SUGCT: variants seen among roughly 807,000 people sequenced by gnomAD.
The protein encoded by SUGCT is succinyl-CoA:glutarate-CoA transferase, also known as succinyl-CoA:glutarate CoA-transferase.
In SUGCT, 41 loss-of-function variants were observed where a neutral mutation model predicts 55.0. The observed-to-expected ratio is 0.74, with a 90% CI of 0.58 to 0.97. The LOEUF is 0.97. SUGCT is among the 50% of genes least tolerant of loss of function. SUGCT has a pLI of 0.00. For synonymous variants in SUGCT, 187 were observed against 200.4 expected, an observed-to-expected ratio of 0.93 and a Z score of 0.56; for missense variants, 568 against 547.8, an observed-to-expected ratio of 1.04 and a Z score of -0.37.
At chr7:40,662,609 G>T (rs1801388404) in intron 12 of SUGCT, among the ~76,000 whole-genome samples, 1 of 151,852 alleles carries the variant, frequency 6.6e-6, no homozygotes, top group Admixed American at 6.6e-5. Context: ...TTTTTGATTT[G>T]GAATGCTCTT....
intron 9 of SUGCT, among the ~76,000 whole-genome samples, chr7:40,410,750 G>A (rs1159975120): frequency 6.6e-6 from 1 of 152,128 alleles, no homozygotes; most frequent in Non-Finnish European, 1.5e-5. Context: ...GTTTACAAGT[G>A]AATGAAAATT....
chr7:40,562,817 G>T (rs1795916110), intron 12 of SUGCT, among the ~76,000 whole-genome samples: 1 of 152,158 alleles, frequency 6.6e-6, no homozygotes, highest in Non-Finnish European at 1.5e-5. Flanking sequence ...CAAACTGGGG[G>T]CACGGCCACA....
chr7:40,480,296 C>T (rs985942144), intron 11 of SUGCT, among the ~76,000 whole-genome samples: 12 of 152,008 alleles, frequency 7.9e-5, no homozygotes, highest in African/African-American at 1.7e-4. Flanking sequence ...ATTCTATGTT[C>T]GTGGCATCCC....
At chr7:40,300,389 G>T (rs1794460563) in intron 8 of SUGCT, among the ~76,000 whole-genome samples, 1 of 152,120 alleles carries the variant, frequency 6.6e-6, no homozygotes, top group African/African-American at 2.4e-5. Flanking sequence ...AAAAAATTCT[G>T]CCCTCTTCAG....
chr7:40,374,791 C>G (rs1784463923), intron 9 of SUGCT, among the ~76,000 whole-genome samples: 1 of 152,140 alleles, frequency 6.6e-6, no homozygotes, highest in South Asian at 2.1e-4. Context: ...CTGATTGAAT[C>G]ACACAAACAA....
At chr7:40,872,582 TG>T in the SUGCT span, among the ~76,000 whole-genome samples, 1 of 152,318 alleles carries the variant, frequency 6.6e-6, no homozygotes, top group African/African-American at 2.4e-5. Context: ...CAGTTTACTC[TG>T]ATGAGTCAGG....
Position 40,296,757 on chromosome 7 carries a change from CGTGTGTGTGTGAGTTT to C in SUGCT, c.721-19992_721-19977del, listed in dbSNP as rs1197162314. Among the ~76,000 whole-genome samples the C allele has an allele frequency of 6.4e-4, 97 of 150,916 alleles. 2 individuals carry two copies. In the South Asian group the frequency reaches 0.02, roughly 31 times the overall value. On this transcript the variant is annotated intron_variant, in intron 8 of 13. Coordinates refer to ENST00000335693, the MANE Select transcript of SUGCT (RefSeq NM_001193313.2). ...GTTAGGAAAACCTTAGTCTCTCTTTCGTGTGTGTGTGAGTTTGTGTGTGTGTAATTGATTTCGAGCT... is the reference window on the plus strand; with the variant it reads ...GTTAGGAAAACCTTAGTCTCTCTTTCGTGTGTGTGTAATTGATTTCGAGCT...
chr7:40,809,539 G>T (rs1244611858), intron 13 of SUGCT, among the ~76,000 whole-genome samples: 1 of 152,086 alleles, frequency 6.6e-6, no homozygotes, highest in East Asian at 1.9e-4. Context: ...TATGGTTAAA[G>T]AAGTACCATA....
At chr7:40,152,622 C>T (rs1788632932) in intron 1 of SUGCT, 1 of 186,994 alleles carries the variant, frequency 5.3e-6, no homozygotes, top group African/African-American at 2.4e-5. Flanking sequence ...TTTAGAAAAA[C>T]AAAGAAATTC....
At chr7:40,453,404 T>C (rs1273627857) in intron 10 of SUGCT, among the ~76,000 whole-genome samples, 1 of 152,218 alleles carries the variant, frequency 6.6e-6, no homozygotes, top group Non-Finnish European at 1.5e-5. Flanking sequence ...AGAGAGAAGA[T>C]CTTGACAAAG....
At chr7:40,683,969 T>C in intron 12 of SUGCT, 1 of 1,558,268 alleles carries the variant, frequency 6.4e-7, no homozygotes, top group Non-Finnish European at 8.7e-7. Context: ...GAAAAGCCAT[T>C]TCCTTGATCA....
intron 11 of SUGCT, among the ~76,000 whole-genome samples, chr7:40,488,106 T>C (rs1791483107): frequency 6.6e-6 from 1 of 151,990 alleles, no homozygotes; most frequent in Admixed American, 6.5e-5. Flanking sequence ...CAGTCATTGT[T>C]TTGTAGTTGT....
At chr7:40,593,309 C>T (rs1197855901) in intron 12 of SUGCT, among the ~76,000 whole-genome samples, 1 of 152,146 alleles carries the variant, frequency 6.6e-6, no homozygotes, top group Non-Finnish European at 1.5e-5. Context: ...CCCACACCAT[C>T]CCACATGCCC....
In SUGCT at chr7:40,769,994, ATATGCATTTGATTTT is replaced by A. The variant is rs112338668; in HGVS notation, c.1153+20507_1153+20521del. ...ATAACATTATTTCTCCTTTATTTAA[ATATGCATTTGATTTT>A]TATGCATTTCTAATTAAATCGAATT... On this transcript the variant is annotated intron_variant, in intron 13 of 13. Transcript: ENST00000335693. 1.9e-3 allele frequency among the ~76,000 whole-genome samples: 296 copies of A among 152,234 alleles called. 1 individual carries two copies. Among genetic ancestry groups the A allele is most frequent in the African/African-American group, 6.9e-3 (287 of 41,532 alleles).
At chr7:40,801,952 C>T (rs1472763364) in intron 13 of SUGCT, among the ~76,000 whole-genome samples, 2 of 151,676 alleles carry the variant, frequency 1.3e-5, no homozygotes, top group Admixed American at 1.3e-4. Flanking sequence ...GTCTTACATT[C>T]TCTTCTAGCA....
chr7:40,840,656 G>A (rs1350599122), intron 13 of SUGCT, among the ~76,000 whole-genome samples: 2 of 151,438 alleles, frequency 1.3e-5, no homozygotes, highest in Admixed American at 6.6e-5. Context: ...AAACTAGGGG[G>A]AAAAAAAGTA....
At chr7:40,898,455 C>G in the SUGCT span, among the ~76,000 whole-genome samples, 19 of 117,576 alleles carry the variant, frequency 1.6e-4, no homozygotes, top group Non-Finnish European at 2.8e-4. Context: ...GGGCTCACGC[C>G]TGTAATCCCA....
intron 8 of SUGCT, among the ~76,000 whole-genome samples, chr7:40,288,112 C>A (rs73133561): frequency 6.6e-6 from 1 of 152,168 alleles, no homozygotes; most frequent in Non-Finnish European, 1.5e-5. Flanking sequence ...GGTTTATATT[C>A]ATAAGGGATA....
rs934856922 is a variant in SUGCT at position 40,859,843 on chromosome 7, G to A, written c.1154-473G>A. 7.9e-5 allele frequency among the ~76,000 whole-genome samples: 12 copies of A among 152,290 alleles called. No homozygotes were observed. In the East Asian group the frequency reaches 1.5e-3, roughly 20 times the overall value. ...TGAACCAGGGTCTAGCTGAGGTTTCGGTGATCTGCAGTCAGTTGAACTAAA... is the reference window on the plus strand; with the variant it reads ...TGAACCAGGGTCTAGCTGAGGTTTCAGTGATCTGCAGTCAGTTGAACTAAA... On this transcript the variant is annotated intron_variant, in intron 13 of 13. Transcript: ENST00000335693.
Sources: gnomAD v4.1 joint callset for allele counts (sites outside exome capture counted in the v4.1 genomes callset) on GRCh38, gnomAD v4.1.1 for gene constraint, MANE v1.5 for transcripts, NCBI Gene and HGNC (gene_info 2026-07-23, HGNC 2026-07-21) for gene names.